The following SAMD5 variants were observed in gnomAD, a reference collection of about 807,000 sequenced individuals.
The protein encoded by SAMD5 is sterile alpha motif domain-containing protein 5.
A neutral mutation model predicts 11.3 loss-of-function variants in SAMD5; 13 were observed. That is an observed-to-expected ratio of 1.15 (90% CI 0.75 to 1.83). SAMD5 has a LOEUF of 1.83. Among genes scored for constraint, SAMD5 ranks in the 40% most tolerant of loss-of-function variants. The pLI is 0.00. For synonymous variants in SAMD5, 129 were observed against 111.3 expected (o/e 1.16, Z -1.00); for missense variants, 255 against 239.1 (o/e 1.07, Z -0.44).
the SAMD5 span, among the ~76,000 whole-genome samples, chr6:147,922,672 G>A: frequency 6.6e-6 from 1 of 152,166 alleles, no homozygotes; most frequent in Non-Finnish European, 1.5e-5. Context: ...ATTCGATGAT[G>A]TGTTCAATAA....
chr6:147,542,651 T>C (rs893153405), intron 1 of SAMD5, among the ~76,000 whole-genome samples: 1 of 152,308 alleles, frequency 6.6e-6, no homozygotes, highest in Admixed American at 6.5e-5. Context: ...AGTTGATTGA[T>C]CTGGTTGGTG....
chr6:147,546,068 T>TAA (rs1788680630), intron 1 of SAMD5, among the ~76,000 whole-genome samples: 1 of 152,176 alleles, frequency 6.6e-6, no homozygotes, highest in African/African-American at 2.4e-5. Flanking sequence ...ATTCGAAACC[T>TAA]TAACATAATA....
At chr6:147,723,245 G>A (rs9497850) in intron 1 of SAMD5, among the ~76,000 whole-genome samples, 3,323 of 152,216 alleles carry the variant, frequency 0.022, 139 homozygotes, top group African/African-American at 0.077. Context: ...TACCATGGTA[G>A]CCAAAACTCA....
the SAMD5 span, among the ~76,000 whole-genome samples, chr6:147,846,194 A>C: frequency 6.6e-6 from 1 of 152,232 alleles, no homozygotes; most frequent in Non-Finnish European, 1.5e-5. Context: ...CAGAAATGAA[A>C]AATAGATTCA....
At chr6:147,824,415 C>G in the SAMD5 span, among the ~76,000 whole-genome samples, 1 of 152,192 alleles carries the variant, frequency 6.6e-6, no homozygotes, top group East Asian at 1.9e-4. Flanking sequence ...CTCTAAAAAA[C>G]CTAACAGAGG....
intron 1 of SAMD5, among the ~76,000 whole-genome samples, chr6:147,660,405 C>T (rs1421723795): frequency 6.6e-6 from 1 of 152,164 alleles, no homozygotes; most frequent in Non-Finnish European, 1.5e-5. Context: ...CCTGCAGCCA[C>T]CCTGCTTCCC....
rs1789676929 is a variant in SAMD5, at chr6:147,604,854, C to G, written c.162+95467C>G. ...CTCCAGGGTATACCTTATTGGATTG[C>G]TGGAGCATGGAGAATAGCATAATGA... On this transcript the variant is annotated intron_variant, in intron 1 of 1. Coordinates refer to the SAMD5 transcript ENST00000566741. Among the ~76,000 whole-genome samples the G allele has an allele frequency of 2.0e-5, 3 of 152,130 alleles. No homozygotes were observed. In the South Asian group the frequency reaches 6.2e-4, roughly 31 times the overall value.
At position 147,602,608 on chromosome 6, in the gene SAMD5, G is replaced by A. The variant is rs1789639261; in HGVS notation, c.162+93221G>A. 6.6e-5 allele frequency among the ~76,000 whole-genome samples: 10 copies of A among 152,292 alleles called. 1 individual carries two copies. The South Asian group carries it at 2.1e-3, about 32-fold the overall frequency. The stretch of plus-strand genomic sequence containing the variant: ...AAAATACAAAAATTAGCCAGACATG[G>A]TGGCGGTTGCCTGTAATCCCAGCTA... On this transcript the variant is annotated intron_variant, in intron 1 of 1. Coordinates refer to the SAMD5 transcript ENST00000566741.
At chr6:147,658,660 T>G (rs1583127719) in intron 1 of SAMD5, among the ~76,000 whole-genome samples, 1 of 103,134 alleles carries the variant, frequency 9.7e-6, no homozygotes, top group South Asian at 3.2e-4. Context: ...TCCTACTGGG[T>G]TTTTTTTTTT....
the SAMD5 span, among the ~76,000 whole-genome samples, chr6:147,766,437 T>G: frequency 1.3e-5 from 2 of 152,122 alleles, no homozygotes; most frequent in Non-Finnish European, 2.9e-5. Flanking sequence ...TTTCTTAAGC[T>G]TCAAGAGAAA....
the SAMD5 span, among the ~76,000 whole-genome samples, chr6:147,892,054 C>T: frequency 5.3e-5 from 8 of 152,140 alleles, no homozygotes; most frequent in Non-Finnish European, 7.4e-5. Context: ...AGCCTTAGGC[C>T]GACAATGCTG....
chr6:147,628,533 G>C (rs1790092116), intron 1 of SAMD5, among the ~76,000 whole-genome samples: 1 of 152,178 alleles, frequency 6.6e-6, no homozygotes, highest in African/African-American at 2.4e-5. Flanking sequence ...GGAGGGAAAG[G>C]TCAGGACAGT....
At chr6:147,923,850 A>G in the SAMD5 span, among the ~76,000 whole-genome samples, 1 of 152,220 alleles carries the variant, frequency 6.6e-6, no homozygotes, top group African/African-American at 2.4e-5. Context: ...GGCAGCTGTC[A>G]CCAGCAAAGG....
At chr6:147,817,478 A>G in the SAMD5 span, among the ~76,000 whole-genome samples, 8 of 152,264 alleles carry the variant, frequency 5.3e-5, no homozygotes, top group East Asian at 3.9e-4. Flanking sequence ...AGCCTCTGAC[A>G]TGCATCACCA....
chr6:147,711,335 C>A lies in SAMD5; in HGVS notation c.163-25982C>A, dbSNP rs1211577526. ...AATGCAGATCTGCCTGATCCCCCAA[C>A]CTGACCCTGTGCTCCCTGTCCCATT... On this transcript the variant is annotated intron_variant, in intron 1 of 1. Transcript: ENST00000566741. The surrounding 1 kb of genome is among the most constrained non-coding windows in gnomAD (Gnocchi z 4.1). Among the ~76,000 whole-genome samples, 1 of 152,104 alleles carries A rather than the reference C, an allele frequency of 6.6e-6. No individual in the cohort carries two copies. The highest frequency in any genetic ancestry group is 1.5e-5 in the Non-Finnish European group (1 of 68,022).
chr6:147,949,320 C>A, the SAMD5 span, among the ~76,000 whole-genome samples: 2 of 152,186 alleles, frequency 1.3e-5, no homozygotes, highest in African/African-American at 4.8e-5. Flanking sequence ...ACTCTATCCC[C>A]TTAACTCAGA....
chr6:147,944,097 G>A, the SAMD5 span, among the ~76,000 whole-genome samples: 291 of 152,212 alleles, frequency 1.9e-3, no homozygotes, highest in African/African-American at 6.5e-3. Flanking sequence ...TGTGATTGAG[G>A]CAGCTTCCAT....
chr6:147,662,086 G>A (rs1790657081), intron 1 of SAMD5, among the ~76,000 whole-genome samples: 1 of 152,218 alleles, frequency 6.6e-6, no homozygotes, highest in Non-Finnish European at 1.5e-5. Context: ...AAGCCCCGAT[G>A]ACCCACATGC....
In SAMD5 at chr6:147,569,796, G is replaced by A; in HGVS notation, c.*5340G>A. The A allele has an allele frequency of 1.0e-6, 1 of 985,256 alleles. No individual in the cohort carries two copies. The highest frequency in any genetic ancestry group is 4.7e-5 in the South Asian group (1 of 21,278). The allele number at this position is 985,256 out of a possible 1,614,324, so 61.0% of individuals were successfully genotyped here. On this transcript the variant is annotated 3_prime_UTR_variant, in exon 2 of 2. Transcript: ENST00000367474. ...TACATGTGTATATCTGAGTAGCGAA[G>A]CACAGATTCACTCTAATTGAAAGCA...
Sources: gnomAD v4.1 joint callset for allele counts (sites outside exome capture counted in the v4.1 genomes callset) on GRCh38, gnomAD v4.1.1 for gene constraint, Gnocchi (gnomAD v3.1) non-coding constraint, MANE v1.5 for transcripts, NCBI Gene and HGNC (gene_info 2026-07-23, HGNC 2026-07-21) for gene names.